Variants in POT1 observed in about 807,000 individuals in gnomAD.
The protein encoded by POT1 is protection of telomeres protein 1.
POT1 carries 47 observed loss-of-function variants against 78.5 expected under a neutral mutation model. The ratio of observed to expected loss-of-function variants is 0.60; its 90% CI spans 0.47 to 0.76. The LOEUF is 0.76. POT1 is among the 30% of genes least tolerant of loss of function. The probability of loss-of-function intolerance (pLI) is 0.00; values close to 1 mark genes in which losing one functional copy is unlikely to be tolerated. For synonymous variants in POT1, 259 were observed against 260.7 expected (o/e 0.99, Z 0.06); for missense variants, 646 against 749.9 (o/e 0.86, Z 1.62).
chr7:124,862,737 C>T (rs1320411747), intron 8 of POT1, among the ~76,000 whole-genome samples: 1 of 152,128 alleles, frequency 6.6e-6, no homozygotes, highest in African/African-American at 2.4e-5. Context: ...GGCATTTGTT[C>T]AAATGTATCC....
In POT1 at chr7:124,876,413, C is replaced by G. The variant is rs183618670; in HGVS notation, c.125-5372G>C. 1.2e-3 allele frequency among the ~76,000 whole-genome samples: 176 copies of G among 152,126 alleles called. 1 individual carries two copies. Among genetic ancestry groups the G allele is most frequent in the African/African-American group, 3.9e-3 (160 of 41,486 alleles). ...TGCTTAGGTGTCAAAAAACTGATATCTCCTAGAACTTAAAGCAAAAGGAAA... is the reference window on the plus strand; with the variant it reads ...TGCTTAGGTGTCAAAAAACTGATATGTCCTAGAACTTAAAGCAAAAGGAAA... On this transcript the variant is annotated intron_variant, in intron 6 of 18. Transcript: ENST00000357628.
rs1212531679 is a variant in POT1, at chr7:124,822,547, G to A, written c.*1415C>T. ...GGACCTCTACTCTTCTAGATTGAGG[G>A]CTTCCTGAAGGCAGAAAAAATGTTT... On this transcript the variant is annotated 3_prime_UTR_variant, in exon 19 of 19. Coordinates refer to ENST00000357628, the MANE Select transcript of POT1 (RefSeq NM_015450.3). The A allele has an allele frequency of 2.2e-6, 1 of 455,532 alleles. No homozygotes were observed. Among genetic ancestry groups the A allele is most frequent in the African/African-American group, 2.0e-5 (1 of 50,028 alleles). 28.2% of individuals were successfully genotyped at this position (455,532 alleles called of 1,614,324 possible). A position where few individuals can be genotyped will look rare whatever the true frequency, so the allele number is the denominator to read the frequency against.
At chr7:124,907,978 T>C (rs1252735280) in intron 3 of POT1, among the ~76,000 whole-genome samples, 3 of 151,998 alleles carry the variant, frequency 2.0e-5, no homozygotes, top group Admixed American at 2.0e-4. Flanking sequence ...AGGCAAATAA[T>C]AGCATAAACT....
chr7:124,837,720 C>T (rs920749352), intron 14 of POT1, among the ~76,000 whole-genome samples: 2 of 151,968 alleles, frequency 1.3e-5, no homozygotes, highest in African/African-American at 4.8e-5. Context: ...ATGAGGCCAG[C>T]AATATTCTAA....
At chr7:124,850,916 A>C (rs73223548) in intron 11 of POT1, among the ~76,000 whole-genome samples, 9,343 of 151,286 alleles carry the variant, frequency 0.062, 755 homozygotes, top group African/African-American at 0.18. Flanking sequence ...AAAAAAAAAA[A>C]AACAACAACA....
At chr7:124,882,374 C>T (rs1391812586) in intron 6 of POT1, among the ~76,000 whole-genome samples, 1 of 152,002 alleles carries the variant, frequency 6.6e-6, no homozygotes, top group African/African-American at 2.4e-5. Context: ...CATCTTACTT[C>T]TTTTACAAGG....
chr7:124,877,138 AATAAAACAAG>A (rs1796007907), intron 6 of POT1, among the ~76,000 whole-genome samples: 1 of 152,220 alleles, frequency 6.6e-6, no homozygotes, highest in African/African-American at 2.4e-5. Flanking sequence ...TTCTGTAGAG[AATAAAACAAG>A]TTACCAATGC....
chr7:124,832,580 C>T (rs1484107613), intron 15 of POT1, among the ~76,000 whole-genome samples: 1 of 151,962 alleles, frequency 6.6e-6, no homozygotes, highest in East Asian at 1.9e-4. Flanking sequence ...TTTGGGAGGC[C>T]GAGGTGGGCA....
At chr7:124,853,437 T>C (rs946594203) in intron 9 of POT1, 4 of 200,050 alleles carry the variant, frequency 2.0e-5, no homozygotes, top group African/African-American at 9.2e-5. Context: ...TGAAAAAATA[T>C]TGTGTCTTAG....
chr7:124,876,636 ATG>A (rs201640129), intron 6 of POT1, among the ~76,000 whole-genome samples: 2,571 of 152,308 alleles, frequency 0.017, 39 homozygotes, highest in Non-Finnish European at 0.027. Context: ...CACTGAACAT[ATG>A]TACCATTACT....
intron 3 of POT1, among the ~76,000 whole-genome samples, chr7:124,913,979 C>CA (rs1380673907): frequency 6.6e-6 from 1 of 151,662 alleles, no homozygotes; most frequent in African/African-American, 2.4e-5. Flanking sequence ...ACTAAAAATA[C>CA]AAAAAATTAG....
At chr7:124,830,659 T>G (rs1794737897) in intron 15 of POT1, among the ~76,000 whole-genome samples, 1 of 151,980 alleles carries the variant, frequency 6.6e-6, no homozygotes, top group African/African-American at 2.4e-5. Flanking sequence ...AAACTAAATA[T>G]ATCAATAACT....
intron 14 of POT1, chr7:124,837,141 G>C (rs1180193043): frequency 8.1e-6 from 2 of 247,930 alleles, no homozygotes; most frequent in Non-Finnish European, 1.6e-5. Flanking sequence ...CTTTAACCTT[G>C]AGTACTTCAC....
intron 4 of POT1, 68 bp from the exon 5 acceptor site, chr7:124,897,280 T>A: frequency 1.7e-6 from 1 of 577,566 alleles, no homozygotes; most frequent in Non-Finnish European, 2.9e-6. Context: ...TGCTTTTAGT[T>A]GTAGTAAAAG....
intron 3 of POT1, among the ~76,000 whole-genome samples, chr7:124,908,850 A>C (rs1019026351): frequency 3.3e-5 from 5 of 151,970 alleles, no homozygotes; most frequent in Admixed American, 2.6e-4. Flanking sequence ...CTTAAAATAA[A>C]ATAAACTGTA....
intron 3 of POT1, among the ~76,000 whole-genome samples, chr7:124,900,357 T>A (rs1796588514): frequency 6.6e-6 from 1 of 152,170 alleles, no homozygotes; most frequent in Non-Finnish European, 1.5e-5. Context: ...GCCTTCTTCT[T>A]CCTGGTAGAA....
In POT1 at chr7:124,840,751, CTT is replaced by C. The variant is rs35833766; in HGVS notation, c.1369+220_1369+221del. 1,852 of 359,240 alleles carry C rather than the reference CTT, an allele frequency of 5.2e-3. 5 individuals are homozygous for C. Among genetic ancestry groups the C allele is most frequent in the Non-Finnish European group, 7.5e-3 (1,488 of 198,186 alleles). The allele number at this position is 359,240 out of a possible 1,614,324, so 22.3% of individuals were successfully genotyped here. ...CCAACAATATAGTTAAATGTTAACACTTGAGTCTGAAGTACAATTTCAAATGT... is the reference window on the plus strand; with the variant it reads ...CCAACAATATAGTTAAATGTTAACACGAGTCTGAAGTACAATTTCAAATGT... On this transcript the variant is annotated intron_variant, in intron 14 of 18. Coordinates refer to ENST00000357628, the MANE Select transcript of POT1 (RefSeq NM_015450.3).
chr7:124,831,749 A>G (rs1794762823), intron 15 of POT1, among the ~76,000 whole-genome samples: 1 of 152,124 alleles, frequency 6.6e-6, no homozygotes, highest in Non-Finnish European at 1.5e-5. Context: ...GTAAATCTTG[A>G]AAATTTTAAT....
intron 6 of POT1, among the ~76,000 whole-genome samples, chr7:124,885,058 T>C (rs995465119): frequency 6.6e-5 from 10 of 152,144 alleles, no homozygotes; most frequent in African/African-American, 2.4e-4. Context: ...GGTAAGGTTT[T>C]CAGAGAAAAT....
Sources: gnomAD v4.1 joint callset for allele counts (sites outside exome capture counted in the v4.1 genomes callset) on GRCh38, gnomAD v4.1.1 for gene constraint, MANE v1.5 for transcripts, NCBI Gene and HGNC (gene_info 2026-07-23, HGNC 2026-07-21) for gene names.